ANO4: variants seen among roughly 807,000 people sequenced by gnomAD.
The protein encoded by ANO4 is anoctamin 4.
A neutral mutation model predicts 141.9 loss-of-function variants in ANO4; 69 were observed. The ratio of observed to expected loss-of-function variants is 0.49; its 90% confidence interval spans 0.40 to 0.59. The LOEUF (loss-of-function observed/expected upper bound fraction) is 0.59, where lower values mean the gene tolerates loss of function less well. ANO4 is among the 20% of genes least tolerant of loss of function. The probability of loss-of-function intolerance (pLI) is 0.00; values close to 1 mark genes in which losing one functional copy is unlikely to be tolerated. For missense variants in ANO4, 894 were observed against 1,162.2 expected (o/e 0.77, Z 3.36); for synonymous variants, 350 against 394.3 (o/e 0.89, Z 1.33).
rs1050805965 is a variant in ANO4, at chr12:100,720,247, C to T, written c.22+2700C>T. On this transcript the variant is annotated intron_variant, in intron 1 of 29. Transcript: ENST00000644049. ...ACAGACCTGGCCTGGACCTGTCAGC[C>T]GTGATGAGGCTTAATAAGGAGCTGA... is the stretch of plus-strand genomic sequence containing the variant. 1.3e-5 allele frequency among the ~76,000 whole-genome samples: 2 copies of T among 151,988 alleles called. 1 individual carries two copies. Among genetic ancestry groups the T allele is most frequent in the Admixed American group, 1.3e-4 (2 of 15,282 alleles).
At chr12:100,940,854 A>G (rs377548294) in intron 4 of ANO4, among the ~76,000 whole-genome samples, 1 of 152,122 alleles carries the variant, frequency 6.6e-6, no homozygotes, top group African/African-American at 2.4e-5. Flanking sequence ...GTCTCTTTCA[A>G]TGTTGTACAG....
intron 25 of ANO4, among the ~76,000 whole-genome samples, chr12:101,120,002 TA>T (rs1343307954): frequency 6.6e-6 from 1 of 152,134 alleles, no homozygotes; most frequent in Non-Finnish European, 1.5e-5. Flanking sequence ...TAAACTGACT[TA>T]AACAACAAAA....
At chr12:100,965,531 C>G (rs1317926189) in intron 5 of ANO4, among the ~76,000 whole-genome samples, 1 of 152,086 alleles carries the variant, frequency 6.6e-6, no homozygotes, top group Non-Finnish European at 1.5e-5. Flanking sequence ...TAAATCCAAA[C>G]TTCTTACCAC....
rs1027749997 is a variant in ANO4 at position 100,969,622 on chromosome 12, G to A, written c.457-1684G>A. ...ATCTGCAATTTGAAAACAATTTCCC[G>A]GAGTGCAAATTTACCCCAGCTAGAG... On this transcript the variant is annotated intron_variant, in intron 5 of 27. Coordinates refer to ENST00000392977, the MANE Select transcript of ANO4 (RefSeq NM_001286615.2). Among the ~76,000 whole-genome samples, 13 of 152,070 alleles carry A rather than the reference G, an allele frequency of 8.5e-5. No individual in the cohort carries two copies. The South Asian group carries it at 1.2e-3, about 15-fold the overall frequency.
intron 1 of ANO4, among the ~76,000 whole-genome samples, chr12:100,842,556 G>A (rs1017169278): frequency 2.0e-5 from 3 of 152,030 alleles, no homozygotes; most frequent in Non-Finnish European, 4.4e-5. Context: ...TTAAGATCCT[G>A]TCTTAGTTCA....
In ANO4 at chr12:100,768,159, A is replaced by C. The variant is rs80231259; in HGVS notation, c.358+28054A>C. On this transcript the variant is annotated intron_variant, in intron 3 of 29. Transcript: ENST00000644049. The stretch of plus-strand genomic sequence containing the variant: ...GCCTGGGGCATGAGTTCATGAAAAC[A>C]AGCTTGGATCCTGGGGCCATAGGGG... Among the ~76,000 whole-genome samples, 759 of 152,146 alleles carry C rather than the reference A, an allele frequency of 5.0e-3. 23 individuals are homozygous for C. The East Asian group carries it at 0.069, about 14-fold the overall frequency.
At chr12:101,046,413 G>T (rs780305789) in intron 13 of ANO4, among the ~76,000 whole-genome samples, 4 of 152,176 alleles carry the variant, frequency 2.6e-5, no homozygotes, top group Non-Finnish European at 4.4e-5. Context: ...CCATTTGAGG[G>T]AGAGAGGCTA....
rs200450110 is a variant in ANO4 at position 101,110,436 on chromosome 12, G to A, written c.2182G>A (p.Ala728Thr). The change falls in exon 23 of 28, where the codon GCA becomes ACA. Residue 728 changes from alanine to threonine, a missense_variant. Ala to Thr is a moderately conservative substitution (Grantham distance 58, BLOSUM62 0). Coordinates refer to ENST00000392977, the MANE Select transcript of ANO4 (RefSeq NM_001286615.2). Reference protein sequence around the residue: ...LQFGFTTIFVAAFPLAPLLAL... With the variant: ...LQFGFTTIFVTAFPLAPLLAL... Reference sequence around the variant, plus strand: ...GTTTGGATTCACAACTATCTTTGTGGCAGCTTTTCCCCTAGCACCACTTCT... The same window carrying A: ...GTTTGGATTCACAACTATCTTTGTGACAGCTTTTCCCCTAGCACCACTTCT... 47 of 1,607,180 alleles carry A rather than the reference G, an allele frequency of 2.9e-5. 2 individuals carry two copies. In the East Asian group the frequency reaches 9.4e-4, roughly 32 times the overall value.
At chr12:101,074,901 G>C (rs771836717) in intron 14 of ANO4, among the ~76,000 whole-genome samples, 8 of 152,014 alleles carry the variant, frequency 5.3e-5, no homozygotes, top group African/African-American at 1.9e-4. Context: ...GCCTCTCTGC[G>C]TGCCAGTTGC....
intron 1 of ANO4, among the ~76,000 whole-genome samples, chr12:100,725,553 A>G (rs1343181636): frequency 6.6e-6 from 1 of 151,840 alleles, no homozygotes; most frequent in African/African-American, 2.4e-5. Context: ...TCACCATGTT[A>G]GCCAGGATGG....
chr12:101,025,501 A>G (rs2046697415), intron 9 of ANO4, among the ~76,000 whole-genome samples: 1 of 152,208 alleles, frequency 6.6e-6, no homozygotes, highest in Non-Finnish European at 1.5e-5. Context: ...AACCTTGAAG[A>G]TCTGTAGAGG....
chr12:100,970,094 AAC>A (rs551241519), intron 5 of ANO4, among the ~76,000 whole-genome samples: 77 of 152,306 alleles, frequency 5.1e-4, no homozygotes, highest in Non-Finnish European at 9.1e-4. Flanking sequence ...TTGTCCAAAG[AAC>A]ACAGCTCTTT....
chr12:100,745,612 C>T (rs184403506), intron 3 of ANO4, among the ~76,000 whole-genome samples: 1 of 152,024 alleles, frequency 6.6e-6, no homozygotes, highest in East Asian at 1.9e-4. Flanking sequence ...ATTATCAGTA[C>T]AGAGATATAT....
At position 101,103,183 on chromosome 12, in the gene ANO4, T is replaced by TATATATA. The variant is rs1197565753; in HGVS notation, c.2149+3463_2149+3464insATATATA. 7.3e-3 allele frequency among the ~76,000 whole-genome samples: 135 copies of TATATATA among 18,572 alleles called. 30 individuals are homozygous for TATATATA. Among genetic ancestry groups the TATATATA allele is most frequent in the East Asian group, 0.013 (3 of 230 alleles). 12.2% of individuals were successfully genotyped at this position (18,572 alleles called of 152,430 possible). On this transcript the variant is annotated intron_variant, in intron 22 of 27. Transcript: ENST00000392977. Reference sequence around the variant, plus strand: ...CTTTACATTTTCCTTTTTAGTCATTTTATATATATATATATATATATATAT... The same window carrying TATATATA: ...CTTTACATTTTCCTTTTTAGTCATTTATATATATATATATATATATATATATATATAT...
intron 5 of ANO4, among the ~76,000 whole-genome samples, chr12:100,953,455 C>G (rs2043053601): frequency 6.6e-6 from 1 of 152,178 alleles, no homozygotes; most frequent in Non-Finnish European, 1.5e-5. Flanking sequence ...AGCACTGCCT[C>G]TTGAGGCAAG....
chr12:100,965,589 T>C (rs1167482172), intron 5 of ANO4, among the ~76,000 whole-genome samples: 1 of 151,982 alleles, frequency 6.6e-6, no homozygotes, highest in Non-Finnish European at 1.5e-5. Flanking sequence ...TCTCTAATCC[T>C]ATCTTAGGTA....
At chr12:100,839,364 A>G (rs999995042) in intron 1 of ANO4, among the ~76,000 whole-genome samples, 5 of 152,206 alleles carry the variant, frequency 3.3e-5, no homozygotes, top group African/African-American at 7.2e-5. Context: ...ACACCAAGTC[A>G]CAATTTATTT....
intron 1 of ANO4, among the ~76,000 whole-genome samples, chr12:100,879,902 A>T (rs1593612316): frequency 1.3e-5 from 2 of 152,196 alleles, no homozygotes; most frequent in African/African-American, 4.8e-5. Context: ...TGAAGTTCAC[A>T]GGGAGGAGAA....
At chr12:100,852,239 T>C in intron 1 of ANO4, 1 of 152,178 alleles carries the variant, frequency 6.6e-6, no homozygotes, top group East Asian at 1.9e-4. Flanking sequence ...CTATACCTAA[T>C]CTATTAAAAA....
Sources: allele counts gnomAD v4.1 joint callset (sites outside exome capture counted in the v4.1 genomes callset), GRCh38; gene constraint gnomAD v4.1.1; transcripts MANE v1.5; gene names NCBI Gene and HGNC (gene_info 2026-07-23, HGNC 2026-07-21).